The following EPHB1 variants were observed in gnomAD, a reference collection of about 807,000 sequenced individuals.
EPHB1 encodes ephrin type-B receptor 1.
EPHB1 carries 30 observed loss-of-function variants against 94.4 expected under a neutral mutation model. The ratio of observed to expected loss-of-function variants is 0.32; its 90% CI spans 0.24 to 0.43. EPHB1 has a LOEUF of 0.43. Ranked by LOEUF, EPHB1 falls within the 20% of genes least tolerant of loss-of-function variation. The pLI is 1.00. For missense variants in EPHB1, 1,055 were observed against 1,308.3 expected (o/e 0.81, Z 2.99); for synonymous variants, 522 against 489.1 (o/e 1.07, Z -0.89).
intron 2 of EPHB1, among the ~76,000 whole-genome samples, chr3:134,937,932 T>C (rs1294423376): frequency 1.0e-4 from 15 of 149,136 alleles, no homozygotes; most frequent in Non-Finnish European, 1.8e-4. Flanking sequence ...TTTTTTTTTT[T>C]CCTCCTTTCT....
intron 3 of EPHB1, among the ~76,000 whole-genome samples, chr3:135,047,119 G>A (rs925812624): frequency 8.5e-5 from 13 of 152,086 alleles, no homozygotes; most frequent in African/African-American, 1.9e-4. Context: ...CCATTAGCCC[G>A]GCAGGTTCAC....
chr3:135,148,142 T>G (rs1009281795), intron 5 of EPHB1, among the ~76,000 whole-genome samples: 8 of 152,228 alleles, frequency 5.3e-5, no homozygotes, highest in Non-Finnish European at 8.8e-5. Context: ...TTGTAATGTA[T>G]TAAAACTTAG....
At chr3:134,905,379 C>T (rs1028999524) in intron 1 of EPHB1, among the ~76,000 whole-genome samples, 7 of 152,380 alleles carry the variant, frequency 4.6e-5, no homozygotes, top group Non-Finnish European at 7.3e-5. Flanking sequence ...CTCCCCGCCA[C>T]ACCTTCCACA....
intron 1 of EPHB1, among the ~76,000 whole-genome samples, chr3:134,865,122 G>A (rs2037347211): frequency 6.6e-6 from 1 of 152,024 alleles, no homozygotes; most frequent in Non-Finnish European, 1.5e-5. Flanking sequence ...GTGTGTGTGT[G>A]TTTTCTGGAT....
intron 6 of EPHB1, among the ~76,000 whole-genome samples, chr3:135,158,566 G>A (rs768936440): frequency 2.6e-5 from 4 of 152,156 alleles, no homozygotes; most frequent in African/African-American, 9.6e-5. Flanking sequence ...CTTGGTTTGC[G>A]CTTAGGACCC....
At chr3:134,884,780 T>C (rs1032702984) in intron 1 of EPHB1, among the ~76,000 whole-genome samples, 1 of 152,248 alleles carries the variant, frequency 6.6e-6, no homozygotes, top group African/African-American at 2.4e-5. Flanking sequence ...GATTGAGCTG[T>C]GCTGCTGTGT....
intron 1 of EPHB1, among the ~76,000 whole-genome samples, chr3:134,920,786 C>T (rs1267879040): frequency 6.6e-6 from 1 of 152,190 alleles, no homozygotes; most frequent in Non-Finnish European, 1.5e-5. Context: ...TTCTTCCTCA[C>T]AGGAGGCTCA....
chr3:135,199,896 T>C (rs979006179), intron 11 of EPHB1, among the ~76,000 whole-genome samples: 3 of 152,218 alleles, frequency 2.0e-5, no homozygotes, highest in Non-Finnish European at 2.9e-5. Flanking sequence ...TGCATGTGAG[T>C]GCATTGTGTA....
chr3:134,945,863 G>C (rs2039207388), intron 2 of EPHB1, among the ~76,000 whole-genome samples: 1 of 152,134 alleles, frequency 6.6e-6, no homozygotes, highest in Non-Finnish European at 1.5e-5. Flanking sequence ...ACAGGCTTTG[G>C]GTAAAAGAAA....
At chr3:134,990,958 A>T (rs768310914) in intron 3 of EPHB1, among the ~76,000 whole-genome samples, 4 of 152,180 alleles carry the variant, frequency 2.6e-5, no homozygotes, top group Non-Finnish European at 5.9e-5. Flanking sequence ...TTCTTTTGGA[A>T]GTTAAATCCT....
intron 1 of EPHB1, among the ~76,000 whole-genome samples, 154 bp downstream of exon 1, chr3:134,795,843 G>A (rs1333072120): frequency 6.6e-6 from 1 of 152,242 alleles, no homozygotes; most frequent in Non-Finnish European, 1.5e-5. Context: ...CCGCTGCCGA[G>A]CGCGGGGCTT....
At chr3:135,143,168 G>T (rs984718738) in intron 5 of EPHB1, among the ~76,000 whole-genome samples, 1 of 152,012 alleles carries the variant, frequency 6.6e-6, no homozygotes, top group South Asian at 2.1e-4. Flanking sequence ...GAGGGCCCAG[G>T]GTGGGGGTGG....
intron 3 of EPHB1, among the ~76,000 whole-genome samples, chr3:135,053,055 A>ATATATATATATATATATATAT (rs1360770430): frequency 4.4e-5 from 6 of 135,694 alleles, no homozygotes; most frequent in African/African-American, 1.1e-4. Context: ...ATATATATAT[A>ATATATATATATATATATATAT]AAGTTGGTGT....
intron 3 of EPHB1, among the ~76,000 whole-genome samples, chr3:135,008,608 G>C (rs1935509054): frequency 6.6e-6 from 1 of 152,226 alleles, no homozygotes; most frequent in Admixed American, 6.5e-5. Context: ...GCAGTCCCTT[G>C]TGGAATCTTC....
At chr3:134,930,805 C>T (rs2038891188) in intron 2 of EPHB1, among the ~76,000 whole-genome samples, 1 of 152,224 alleles carries the variant, frequency 6.6e-6, no homozygotes, top group African/African-American at 2.4e-5. Flanking sequence ...GCTCCTCCCA[C>T]CATGGCTGGG....
chr3:135,226,516 G>A (rs1442176113), intron 12 of EPHB1, among the ~76,000 whole-genome samples: 1 of 152,210 alleles, frequency 6.6e-6, no homozygotes, highest in Non-Finnish European at 1.5e-5. Flanking sequence ...CTGCCCCCAG[G>A]CAGCTGGGTT....
chr3:134,936,755 C>T (rs1313984247), intron 2 of EPHB1, among the ~76,000 whole-genome samples: 1 of 152,228 alleles, frequency 6.6e-6, no homozygotes, highest in African/African-American at 2.4e-5. Flanking sequence ...ATGTAGGAGT[C>T]AAGATTCTGA....
intron 3 of EPHB1, among the ~76,000 whole-genome samples, chr3:135,023,836 T>C (rs1936054333): frequency 6.6e-6 from 1 of 152,232 alleles, no homozygotes; most frequent in African/African-American, 2.4e-5. Flanking sequence ...GCCACTATTT[T>C]ATACCATTCT....
chr3:135,152,051 G>T (rs1328537983), intron 5 of EPHB1, among the ~76,000 whole-genome samples: 1 of 152,204 alleles, frequency 6.6e-6, no homozygotes, highest in South Asian at 2.1e-4. Flanking sequence ...AAGAGAATTG[G>T]ATTCACTTCC....
Sources: gnomAD v4.1 joint callset for allele counts (sites outside exome capture counted in the v4.1 genomes callset) on GRCh38, gnomAD v4.1.1 for gene constraint, MANE v1.5 for transcripts, NCBI Gene and HGNC (gene_info 2026-07-23, HGNC 2026-07-21) for gene names.